The following CFAP92 variants were observed in gnomAD, a reference collection of about 807,000 sequenced individuals.
CFAP92 encodes uncharacterized protein CFAP92.
In CFAP92, 86 loss-of-function variants were observed where a neutral mutation model predicts 106.3. That is an observed-to-expected ratio of 0.81 (90% confidence interval 0.68 to 0.97). The LOEUF (loss-of-function observed/expected upper bound fraction) is 0.97, where lower values mean the gene tolerates loss of function less well. Among genes scored for constraint, CFAP92 ranks in the 50% least tolerant of loss-of-function variants. The pLI, the probability that CFAP92 is intolerant of heterozygous loss-of-function variation, is 0.00. For synonymous variants in CFAP92, 477 were observed against 506.4 expected, an observed-to-expected ratio of 0.94 and a Z score of 0.78; for missense variants, 1,204 against 1,283.8, an observed-to-expected ratio of 0.94 and a Z score of 0.95.
rs549803668 is a variant in CFAP92 at position 128,993,807 on chromosome 3, C to A, written c.-33+173G>T. On this transcript the variant is annotated intron_variant, in intron 1 of 15. Coordinates refer to ENST00000645291, the MANE Select transcript of CFAP92 (RefSeq NM_001394090.1). ...GGCAAGCCCTGTCCCCAAGACAGAA[C>A]ATGAATGTGCACTGGGTGCTGGGCT... 4.1e-5 allele frequency: 17 copies of A among 411,780 alleles called. No homozygotes were observed. The Admixed American group carries it at 7.7e-4, about 19-fold the overall frequency. 25.5% of individuals were successfully genotyped at this position (411,780 alleles called of 1,614,324 possible). A position where few individuals can be genotyped will look rare whatever the true frequency, so the allele number is the denominator to read the frequency against.
intron 12 of CFAP92, among the ~76,000 whole-genome samples, chr3:128,918,472 C>CA (rs1354837320): frequency 1.3e-5 from 2 of 151,862 alleles, no homozygotes; most frequent in Non-Finnish European, 2.9e-5. Flanking sequence ...GACTCCGTCT[C>CA]AAAAAAACAA....
chr3:129,012,984 T>A, the CFAP92 span, among the ~76,000 whole-genome samples: 1 of 152,198 alleles, frequency 6.6e-6, no homozygotes, highest in Middle Eastern at 3.2e-3. Flanking sequence ...GAATCTCTTC[T>A]CACATAAGGA....
intron 12 of CFAP92, among the ~76,000 whole-genome samples, chr3:128,919,565 CA>C (rs1937098766): frequency 6.6e-6 from 1 of 152,148 alleles, no homozygotes. Context: ...TATCTAACAT[CA>C]CTGGAGAACA....
Position 128,910,294 on chromosome 3 carries a change from G to C in CFAP92, c.*5C>G, listed in dbSNP as rs6774021. The C allele has an allele frequency of 0.023, 34,074 of 1,508,776 alleles. 1,258 individuals carry two copies. The highest frequency in any genetic ancestry group is 0.12 in the African/African-American group (8,773 of 72,892). 93.5% of individuals were successfully genotyped at this position (1,508,776 alleles called of 1,614,324 possible). A position where few individuals can be genotyped will look rare whatever the true frequency, so the allele number is the denominator to read the frequency against. ...ATGCGGTGGCCGTGGGAGGGTCTGT[G>C]CTGCTCAGGAGATGGGGCTGTTCCC... On this transcript the variant is annotated 3_prime_UTR_variant, in exon 16 of 16. Transcript: ENST00000645291.
intron 10 of CFAP92, among the ~76,000 whole-genome samples, chr3:128,944,300 CA>C (rs2107726857): frequency 6.6e-6 from 1 of 152,214 alleles, no homozygotes; most frequent in Admixed American, 6.5e-5. Context: ...CTTGTGTGGA[CA>C]TATGTTTTCA....
At chr3:129,003,866 C>T, upstream of CFAP92, 8 of 1,435,238 alleles carry the variant, frequency 5.6e-6, no homozygotes, top group Non-Finnish European at 7.3e-6. Context: ...GGTGCGGGAG[C>T]TGCGTCAGGC....
intron 9 of CFAP92, among the ~76,000 whole-genome samples, chr3:128,947,644 G>A (rs143139638): frequency 2.4e-3 from 367 of 152,264 alleles, no homozygotes; most frequent in African/African-American, 8.4e-3. Flanking sequence ...AAACTTCAAC[G>A]TAAACCTCAC....
At chr3:128,983,429 T>TGGTC (rs1302482406) in intron 4 of CFAP92, among the ~76,000 whole-genome samples, 11 of 152,124 alleles carry the variant, frequency 7.2e-5, no homozygotes, top group African/African-American at 2.7e-4. Flanking sequence ...AACTTTCCTG[T>TGGTC]GGTCAGAGAG....
intron 12 of CFAP92, among the ~76,000 whole-genome samples, chr3:128,929,640 C>T (rs368763844): frequency 6.6e-6 from 1 of 152,298 alleles, no homozygotes; most frequent in African/African-American, 2.4e-5. Flanking sequence ...ACCACAGGAA[C>T]TTTATGCTCA....
intron 3 of CFAP92, among the ~76,000 whole-genome samples, chr3:128,988,493 T>C (rs1944001747): frequency 6.6e-6 from 1 of 151,816 alleles, no homozygotes; most frequent in African/African-American, 2.4e-5. Flanking sequence ...TGAGCAAAGA[T>C]TGCACCACTC....
chr3:128,909,945 G>C lies in CFAP92; in HGVS notation c.*354C>G. On this transcript the variant is annotated 3_prime_UTR_variant, in exon 16 of 16. Transcript: ENST00000645291. ...AACACAGGAGACTAAGACAGGCAAA[G>C]ATGCAGCCCAGGGAGGGACCATGTG... 6.3e-7 allele frequency: 1 copy of C among 1,586,446 alleles called. No individual in the cohort carries two copies. Among genetic ancestry groups the C allele is most frequent in the Non-Finnish European group, 8.6e-7 (1 of 1,165,878 alleles).
At chr3:128,914,260 CCTT>C (rs1223633532) in intron 15 of CFAP92, among the ~76,000 whole-genome samples, 5 of 152,182 alleles carry the variant, frequency 3.3e-5, no homozygotes, top group African/African-American at 1.2e-4. Flanking sequence ...GCTGGAGCCT[CCTT>C]GAGAGCCACA....
chr3:128,971,618 C>T (rs114658671), intron 7 of CFAP92, among the ~76,000 whole-genome samples, 185 bp from the exon 8 acceptor site: 3,104 of 152,224 alleles, frequency 0.02, 117 homozygotes, highest in African/African-American at 0.07. Flanking sequence ...ATGGCAGGCC[C>T]GTTGCCAGTT....
chr3:129,019,503 T>G, the CFAP92 span, among the ~76,000 whole-genome samples: 2 of 152,340 alleles, frequency 1.3e-5, no homozygotes, highest in South Asian at 4.1e-4. Flanking sequence ...ATTTTGTGTT[T>G]ATATAAACAG....
chr3:128,945,686 G>C lies in CFAP92; in HGVS notation c.1643C>G (p.Thr548Arg), dbSNP rs531661492. Residue 548 changes from threonine (T) to arginine (R), a missense_variant, in exon 10 of 16, where the codon ACA (threonine) becomes AGA (arginine). By Grantham distance (71) the Thr-to-Arg change is moderately conservative (BLOSUM62 -1). Coordinates refer to ENST00000645291, the MANE Select transcript of CFAP92 (RefSeq NM_001394090.1). ...NFQALISPRE[T>R]ENNPFESQNK... ...CTGGGACTCAAAGGGGTTGTTCTCTGTCTCTCTGGGAGAGATGAGGGCCTG... is the reference window on the plus strand; with the variant it reads ...CTGGGACTCAAAGGGGTTGTTCTCTCTCTCTCTGGGAGAGATGAGGGCCTG... 2 of 1,536,098 alleles carry C rather than the reference G, an allele frequency of 1.3e-6. No individual in the cohort carries two copies. The highest frequency in any genetic ancestry group is 2.4e-5 in the South Asian group (2 of 84,062).
At position 128,935,108 on chromosome 3, in the gene CFAP92, G is replaced by C. The variant is rs765369414; in HGVS notation, c.2453+17C>G. The C allele has an allele frequency of 2.7e-6, 4 of 1,502,156 alleles. No homozygotes were observed. The East Asian group carries it at 7.4e-5, about 28-fold the overall frequency. The allele number at this position is 1,502,156 out of a possible 1,614,324, so 93.1% of individuals were successfully genotyped here. A position where few individuals can be genotyped will look rare whatever the true frequency, so the allele number is the denominator to read the frequency against. On this transcript the variant is annotated intron_variant, in intron 11 of 15. Transcript: ENST00000645291. ...CCCGCCGGGGCGCAGGACCACATGC[G>C]AGCTGCCACTGCCCACCTGGCTAGA...
intron 7 of CFAP92, 120 bp from the exon 8 acceptor site, chr3:128,971,553 T>A: frequency 1.2e-6 from 1 of 832,236 alleles, no homozygotes; most frequent in Non-Finnish European, 1.8e-6. Context: ...AAGGCAGGGG[T>A]TATTCTTTGT....
At chr3:128,973,094 G>A (rs1945386057) in intron 7 of CFAP92, among the ~76,000 whole-genome samples, 1 of 152,120 alleles carries the variant, frequency 6.6e-6, no homozygotes, top group Admixed American at 6.5e-5. Context: ...CAAACGATAA[G>A]TTATATACCC....
chr3:128,978,295 A>G (rs1943292887), intron 4 of CFAP92, 110 bp from the exon 5 acceptor site: 2 of 1,075,278 alleles, frequency 1.9e-6, no homozygotes, highest in Admixed American at 4.8e-5. Flanking sequence ...TTCAGACTAC[A>G]CTAAAGTAAA....
Sources: gnomAD v4.1 joint callset for allele counts (sites outside exome capture counted in the v4.1 genomes callset) on GRCh38, gnomAD v4.1.1 for gene constraint, MANE v1.5 for transcripts, NCBI Gene and HGNC (gene_info 2026-07-23, HGNC 2026-07-21) for gene names.